Variants in P4HA3 observed in about 807,000 individuals in gnomAD.
P4HA3 encodes prolyl 4-hydroxylase subunit alpha 3, also known as prolyl 4-hydroxylase subunit alpha-3.
A neutral mutation model predicts 66.7 loss-of-function variants in P4HA3; 60 were observed. That is an observed-to-expected ratio of 0.90 (90% CI 0.73 to 1.12). P4HA3 has a LOEUF of 1.12. Among genes scored for constraint, P4HA3 ranks in the 50% most tolerant of loss-of-function variants. P4HA3 has a pLI of 0.00. For missense variants in P4HA3, 683 were observed against 685.8 expected (o/e 1.00, Z 0.05); for synonymous variants, 263 against 274.6 (o/e 0.96, Z 0.42).
chr11:74,299,483 C>T (rs1861332429), intron 3 of P4HA3, among the ~76,000 whole-genome samples: 2 of 152,028 alleles, frequency 1.3e-5, no homozygotes, highest in East Asian at 1.9e-4. Flanking sequence ...TTTGTAAAAA[C>T]GTTGAGCTGA....
intron 9 of P4HA3, among the ~76,000 whole-genome samples, chr11:74,274,632 A>G (rs1002064262): frequency 6.6e-6 from 1 of 152,206 alleles, no homozygotes; most frequent in Non-Finnish European, 1.5e-5. Context: ...GGTTATTACA[A>G]ATAAAGCTAC....
chr11:74,282,080 C>G (rs1446650142), intron 7 of P4HA3, among the ~76,000 whole-genome samples: 2 of 148,566 alleles, frequency 1.3e-5, no homozygotes, highest in East Asian at 4.0e-4. Context: ...AGGAGAAACT[C>G]ATAGAAGAGA....
At chr11:74,300,557 G>T (rs894445179) in intron 3 of P4HA3, among the ~76,000 whole-genome samples, 4 of 152,094 alleles carry the variant, frequency 2.6e-5, no homozygotes, top group African/African-American at 9.7e-5. Context: ...CAGGTGGGAG[G>T]ATCACTTGAT....
chr11:74,273,605 T>G lies in P4HA3; in HGVS notation c.1338A>C (p.Ser446=). Residue 446 remains serine (S), a splice_region_variant and synonymous_variant, in exon 10 of 13, where the codon TCA becomes TCC. Coordinates refer to ENST00000331597, the MANE Select transcript of P4HA3 (RefSeq NM_182904.5). ...HYEPHFDHAT[S]PSSPLYRMKS... ...TCATTCTGTAGAGGGGGCTGCTTGG[T>G]GACTGAGAAAAAAAAAAACAGAACA... The G allele has an allele frequency of 6.4e-7, 1 of 1,555,534 alleles. No homozygotes were observed. Among genetic ancestry groups the G allele is most frequent in the Non-Finnish European group, 8.6e-7 (1 of 1,157,706 alleles).
At chr11:74,269,811 A>T in intron 10 of P4HA3, 91 bp from the exon 11 acceptor site, 6 of 1,273,882 alleles carry the variant, frequency 4.7e-6, no homozygotes, top group Non-Finnish European at 6.6e-6. Context: ...ATTCCTTCTC[A>T]TGGTCTTTTC....
chr11:74,267,225 A>T lies in P4HA3; in HGVS notation c.*23T>A, dbSNP rs1394150204. The stretch of plus-strand genomic sequence containing the variant: ...CTTCTCTGGAAAGCCACAGGACTCC[A>T]CCAGCTTCTCTCTGCCAACAGTTCA... On this transcript the variant is annotated 3_prime_UTR_variant, in exon 13 of 13. Coordinates refer to ENST00000331597, the MANE Select transcript of P4HA3 (RefSeq NM_182904.5). 3.1e-6 allele frequency: 5 copies of T among 1,613,872 alleles called. No individual in the cohort carries two copies. Among genetic ancestry groups the T allele is most frequent in the Non-Finnish European group, 4.2e-6 (5 of 1,180,012 alleles).
At chr11:74,302,972 G>A (rs1004326801) in intron 2 of P4HA3, among the ~76,000 whole-genome samples, 4 of 148,580 alleles carry the variant, frequency 2.7e-5, no homozygotes, top group African/African-American at 1.0e-4. Context: ...TTTTAATAGA[G>A]ATAGGATCTT....
chr11:74,304,477 A>C (rs1861516955), intron 1 of P4HA3, 65 bp from the exon 2 acceptor site: 2 of 1,567,670 alleles, frequency 1.3e-6, no homozygotes, highest in Non-Finnish European at 1.7e-6. Context: ...GAAGGCTGGC[A>C]TGGTGTGTGT....
intron 15 of P4HA3, chr11:74,253,769 G>A: frequency 1.7e-6 from 1 of 572,058 alleles, no homozygotes; most frequent in Non-Finnish European, 3.1e-6. Flanking sequence ...GGTAGCTCCT[G>A]CCTGCTCTCC....
chr11:74,268,066 G>T, intron 12 of P4HA3, 79 bp downstream of exon 12: 1 of 1,235,784 alleles, frequency 8.1e-7, no homozygotes, highest in Middle Eastern at 1.9e-4. Context: ...GGATGGCTGT[G>T]GTAGGTCCCA....
At chr11:74,307,785 C>A (rs534161547) in intron 1 of P4HA3, among the ~76,000 whole-genome samples, 1 of 152,310 alleles carries the variant, frequency 6.6e-6, no homozygotes, top group African/African-American at 2.4e-5. Flanking sequence ...ATAGCCTGGG[C>A]AGGTTATCCA....
intron 1 of P4HA3, among the ~76,000 whole-genome samples, chr11:74,306,123 G>A (rs1280300181): frequency 1.3e-5 from 2 of 152,078 alleles, no homozygotes; most frequent in East Asian, 3.9e-4. Flanking sequence ...CCACGACAGC[G>A]ATGGAGAATG....
chr11:74,252,531 G>T, intron 15 of P4HA3: 1 of 455,620 alleles, frequency 2.2e-6, no homozygotes, highest in South Asian at 1.6e-5. Context: ...TAGCCACTCT[G>T]CAGGGGTGAT....
intron 3 of P4HA3, among the ~76,000 whole-genome samples, chr11:74,301,394 A>G (rs1861402467): frequency 6.6e-6 from 1 of 152,194 alleles, no homozygotes; most frequent in Admixed American, 6.5e-5. Context: ...CATACATTAA[A>G]CTACTTTACC....
intron 15 of P4HA3, chr11:74,250,951 C>T (rs1859642818): frequency 2.5e-6 from 4 of 1,596,406 alleles, no homozygotes; most frequent in Non-Finnish European, 3.4e-6. Context: ...GATTCCTCTC[C>T]AGGGAAGTTC....
downstream of P4HA3, among the ~76,000 whole-genome samples, chr11:74,261,826 A>G (rs1465334286): frequency 6.6e-6 from 1 of 152,186 alleles, no homozygotes; most frequent in East Asian, 1.9e-4. Context: ...TTAAAATACC[A>G]TCAAATATTG....
chr11:74,303,795 G>A (rs1245880010), intron 2 of P4HA3, among the ~76,000 whole-genome samples: 2 of 151,620 alleles, frequency 1.3e-5, no homozygotes, highest in Non-Finnish European at 2.9e-5. Context: ...TGTTGGTTAG[G>A]CTGGTCTGGA....
At chr11:74,271,552 G>A (rs1262957831) in intron 10 of P4HA3, among the ~76,000 whole-genome samples, 2 of 151,860 alleles carry the variant, frequency 1.3e-5, no homozygotes, top group Non-Finnish European at 2.9e-5. Flanking sequence ...AATAGAGACA[G>A]GGTCTCACTA....
At chr11:74,279,328 T>G (rs1591102037) in intron 8 of P4HA3, 60 bp downstream of exon 8, 1 of 1,515,402 alleles carries the variant, frequency 6.6e-7, no homozygotes, top group Admixed American at 1.7e-5. Flanking sequence ...TGACTGGCAG[T>G]CAGCTATGCT....
Sources: allele counts gnomAD v4.1 joint callset (sites outside exome capture counted in the v4.1 genomes callset), GRCh38; gene constraint gnomAD v4.1.1; transcripts MANE v1.5; gene names NCBI Gene and HGNC (gene_info 2026-07-23, HGNC 2026-07-21).